The following USP13 variants were observed in gnomAD, a reference collection of about 807,000 sequenced individuals.
USP13 encodes ubiquitin carboxyl-terminal hydrolase 13.
Under a neutral mutation model 107.8 loss-of-function variants are expected in USP13, and 68 were observed. That is an observed-to-expected ratio of 0.63 (90% confidence interval 0.52 to 0.77). USP13 has a LOEUF of 0.77. Among genes scored for constraint, USP13 ranks in the 30% least tolerant of loss-of-function variants. The pLI is 0.00. For synonymous variants in USP13, 377 were observed against 389.5 expected (o/e 0.97, Z 0.38); for missense variants, 945 against 1,093.3 (o/e 0.86, Z 1.91).
intron 1 of USP13, among the ~76,000 whole-genome samples, chr3:179,668,093 C>G (rs1416403615): frequency 2.0e-5 from 3 of 152,208 alleles, no homozygotes; most frequent in Non-Finnish European, 4.4e-5. Context: ...TAGGAGTCCT[C>G]TGCAGAAAGG....
At chr3:179,783,464 C>T (rs988067930) in intron 20 of USP13, among the ~76,000 whole-genome samples, 7 of 152,210 alleles carry the variant, frequency 4.6e-5, no homozygotes, top group South Asian at 2.1e-4. Flanking sequence ...TCTCACTTTG[C>T]CAAATATTCT....
Position 179,653,907 on chromosome 3 carries a change from C to T in USP13, c.168+514C>T, listed in dbSNP as rs796201369. 1.4e-4 allele frequency among the ~76,000 whole-genome samples: 21 copies of T among 152,298 alleles called. No individual in the cohort carries two copies. Among genetic ancestry groups the T allele is most frequent in the African/African-American group, 4.3e-4 (18 of 41,574 alleles). Reference sequence around the variant, plus strand: ...GTTCCCATTTCACCCCACTCCTTTTCTTGTCTTTAGAATGTCAGGGCCAGG... The same window carrying T: ...GTTCCCATTTCACCCCACTCCTTTTTTTGTCTTTAGAATGTCAGGGCCAGG... On this transcript the variant is annotated intron_variant, in intron 1 of 20. Transcript: ENST00000263966. This position sits in a 1 kb window ranked among gnomAD's most constrained non-coding sequence, Gnocchi z 4.0.
At chr3:179,768,467 A>G (rs528863086) in intron 19 of USP13, among the ~76,000 whole-genome samples, 1 of 152,332 alleles carries the variant, frequency 6.6e-6, no homozygotes, top group Admixed American at 6.5e-5. Flanking sequence ...CTATGGGTCA[A>G]CCAAGGGATT....
At chr3:179,780,608 C>A (rs1560085765) in intron 19 of USP13, among the ~76,000 whole-genome samples, 1 of 152,080 alleles carries the variant, frequency 6.6e-6, no homozygotes. Flanking sequence ...AGCAGTAAGG[C>A]AGTAAGGCAG....
intron 1 of USP13, among the ~76,000 whole-genome samples, chr3:179,654,022 TA>T (rs1407357486): frequency 6.6e-6 from 1 of 151,778 alleles, no homozygotes; most frequent in Non-Finnish European, 1.5e-5. Context: ...CCAGCCTGGC[TA>T]ATATGGCGAA....
chr3:179,666,486 A>G (rs1471255718), intron 1 of USP13, among the ~76,000 whole-genome samples: 1 of 152,168 alleles, frequency 6.6e-6, no homozygotes, highest in African/African-American at 2.4e-5. Context: ...TAAGTCTTGC[A>G]GCTCCTTCAC....
intron 12 of USP13, 107 bp from the exon 13 acceptor site, chr3:179,744,936 C>T: frequency 1.4e-6 from 2 of 1,402,112 alleles, no homozygotes; most frequent in South Asian, 2.8e-5. Context: ...AAATAAGCAA[C>T]TCTGGCCCAG....
intron 19 of USP13, among the ~76,000 whole-genome samples, chr3:179,777,430 CCTCT>C (rs201528563): frequency 2.1e-5 from 3 of 146,020 alleles, no homozygotes; most frequent in Non-Finnish European, 3.0e-5. Context: ...GGTATTGTAT[CCTCT>C]CTCTCTCTCT....
At chr3:179,660,751 A>T (rs1720434469) in intron 1 of USP13, among the ~76,000 whole-genome samples, 1 of 152,258 alleles carries the variant, frequency 6.6e-6, no homozygotes, top group Non-Finnish European at 1.5e-5. Flanking sequence ...CTTCCTCCTG[A>T]TGGATAAACT....
chr3:179,764,333 A>G (rs1715107432), intron 18 of USP13, among the ~76,000 whole-genome samples, 165 bp downstream of exon 18: 1 of 152,198 alleles, frequency 6.6e-6, no homozygotes, highest in Non-Finnish European at 1.5e-5. Flanking sequence ...CATATTATAA[A>G]TATAAAGCTA....
At chr3:179,660,295 C>T (rs967188878) in intron 1 of USP13, among the ~76,000 whole-genome samples, 2 of 152,216 alleles carry the variant, frequency 1.3e-5, no homozygotes, top group Admixed American at 6.5e-5. Context: ...CTCCCTTCTC[C>T]TAGCCCCTTG....
At chr3:179,699,369 T>C (rs745878817) in intron 3 of USP13, among the ~76,000 whole-genome samples, 1 of 152,204 alleles carries the variant, frequency 6.6e-6, no homozygotes, top group African/African-American at 2.4e-5. Context: ...AATGTTTGGT[T>C]TGGTTCTTTA....
intron 3 of USP13, among the ~76,000 whole-genome samples, chr3:179,695,782 G>T (rs1240866555): frequency 6.6e-6 from 1 of 151,916 alleles, no homozygotes; most frequent in Non-Finnish European, 1.5e-5. Flanking sequence ...TGTATATATT[G>T]TGTATTCTCT....
chr3:179,703,505 G>C (rs568194942), intron 4 of USP13, among the ~76,000 whole-genome samples: 1 of 152,104 alleles, frequency 6.6e-6, no homozygotes. Context: ...GCTCGGCAGG[G>C]GTCTTAGAGC....
intron 3 of USP13, among the ~76,000 whole-genome samples, chr3:179,699,731 A>G (rs1712445832): frequency 6.9e-6 from 1 of 144,240 alleles, no homozygotes; most frequent in African/African-American, 2.5e-5. Flanking sequence ...ATTGCATTTT[A>G]GCTGTATCTT....
intron 14 of USP13, among the ~76,000 whole-genome samples, chr3:179,753,835 T>G (rs1714691998): frequency 1.3e-5 from 2 of 152,192 alleles, no homozygotes; most frequent in African/African-American, 4.8e-5. Flanking sequence ...ATTATTATCA[T>G]CTGAATATGT....
intron 1 of USP13, among the ~76,000 whole-genome samples, chr3:179,657,064 A>G (rs755430184): frequency 1.3e-5 from 2 of 152,210 alleles, no homozygotes; most frequent in African/African-American, 2.4e-5. Context: ...TTTGAATCCT[A>G]TCTCCGTCAC....
Position 179,784,061 on chromosome 3 carries a change from A to G in USP13, c.2512A>G (p.Asn838Asp). The G allele has an allele frequency of 6.2e-7, 1 of 1,611,346 alleles. No homozygotes were observed. Among genetic ancestry groups the G allele is most frequent in the Non-Finnish European group, 8.5e-7 (1 of 1,179,304 alleles). ...IKKEGRWVIY[N>D]DHKVCASERP... ...TCTTATTTTCAGATGGGTGATTTAC[A>G]ATGACCACAAAGTTTGTGCCTCAGA... The change falls in exon 21 of 21, where the codon AAT (asparagine) becomes GAT (aspartate). Residue 838 changes from asparagine to aspartate, a missense_variant. Transcript: ENST00000263966.
At chr3:179,763,951 A>G (rs756976542) in intron 17 of USP13, 51 bp from the exon 18 acceptor site, 1 of 156,826 alleles carries the variant, frequency 6.4e-6, no homozygotes, top group East Asian at 1.9e-4. Context: ...GTTTCAGGAC[A>G]AAAAAAAAAA....
Sources: gnomAD v4.1 joint callset for allele counts (sites outside exome capture counted in the v4.1 genomes callset) on GRCh38, gnomAD v4.1.1 for gene constraint, Gnocchi (gnomAD v3.1) non-coding constraint, MANE v1.5 for transcripts, NCBI Gene and HGNC (gene_info 2026-07-23, HGNC 2026-07-21) for gene names.